CREM: variants seen among roughly 807,000 people sequenced by gnomAD.
CREM encodes cAMP-responsive element modulator.
Under a neutral mutation model 37.3 loss-of-function variants are expected in CREM, and 13 were observed. The observed-to-expected ratio is 0.35, with a 90% CI of 0.23 to 0.55. The LOEUF is 0.55. Among genes scored for constraint, CREM ranks in the 20% least tolerant of loss-of-function variants. The pLI is 0.88. For missense variants in CREM, 296 were observed against 362.3 expected, an observed-to-expected ratio of 0.82 and a Z score of 1.49; for synonymous variants, 124 against 120.2, an observed-to-expected ratio of 1.03 and a Z score of -0.21.
chr10:35,128,404 A>C (rs555309224), intron 1 of CREM, among the ~76,000 whole-genome samples: 139 of 152,252 alleles, frequency 9.1e-4, no homozygotes, highest in African/African-American at 3.0e-3. Context: ...TGAAACAAAG[A>C]TCTAGATTGA....
chr10:35,159,509 G>A (rs1337092152), intron 3 of CREM, among the ~76,000 whole-genome samples: 1 of 152,084 alleles, frequency 6.6e-6, no homozygotes, highest in Non-Finnish European at 1.5e-5. Flanking sequence ...ATGATGTTGG[G>A]AAAACTAGAT....
intron 6 of CREM, among the ~76,000 whole-genome samples, chr10:35,190,631 A>G (rs1431900822): frequency 6.6e-6 from 1 of 151,884 alleles, no homozygotes; most frequent in Non-Finnish European, 1.5e-5. Context: ...AGTAGTAGTA[A>G]TAATAATAAT....
intron 3 of CREM, chr10:35,154,175 A>G (rs2092758848): frequency 2.5e-6 from 1 of 398,226 alleles, no homozygotes; most frequent in East Asian, 3.6e-5. Flanking sequence ...GCGAGTTGTA[A>G]ATTTTCTTTT....
At chr10:35,176,596 A>G (rs982567743) in intron 3 of CREM, among the ~76,000 whole-genome samples, 1 of 151,516 alleles carries the variant, frequency 6.6e-6, no homozygotes, top group African/African-American at 2.4e-5. Context: ...TTTTTAGTAG[A>G]GATGGGGTTT....
At chr10:35,206,572 T>G (rs2095529590) in intron 6 of CREM, among the ~76,000 whole-genome samples, 1 of 152,228 alleles carries the variant, frequency 6.6e-6, no homozygotes, top group African/African-American at 2.4e-5. Flanking sequence ...TCCTGAGGAC[T>G]GTTTCTTAAA....
chr10:35,169,927 A>G (rs1160357325), intron 3 of CREM, among the ~76,000 whole-genome samples: 4 of 149,940 alleles, frequency 2.7e-5, no homozygotes, highest in East Asian at 3.9e-4. Flanking sequence ...CCAGCCTTGC[A>G]TCCCAGGAAT....
Position 35,185,292 on chromosome 10 carries a change from C to T in CREM, c.410-2908C>T, listed in dbSNP as rs189108802. Among the ~76,000 whole-genome samples, 329 of 151,994 alleles carry T rather than the reference C, an allele frequency of 2.2e-3. 6 individuals carry two copies. The East Asian group carries it at 0.042, about 19-fold the overall frequency. ...TAATTTCTTGTATTTTTAGTAGGGA[C>T]GGGGTTTCTCCTTGTTGGTCAGGCT... On this transcript the variant is annotated intron_variant, in intron 5 of 7. Coordinates refer to ENST00000685392, the MANE Select transcript of CREM (RefSeq NM_183011.2).
At chr10:35,170,391 G>A (rs1193614321) in intron 3 of CREM, among the ~76,000 whole-genome samples, 1 of 152,152 alleles carries the variant, frequency 6.6e-6, no homozygotes, top group African/African-American at 2.4e-5. Context: ...CCAGGCTTTG[G>A]TATCAGGATG....
intron 3 of CREM, among the ~76,000 whole-genome samples, chr10:35,149,150 A>G (rs2092389677): frequency 6.6e-6 from 1 of 152,208 alleles, no homozygotes; most frequent in South Asian, 2.1e-4. Flanking sequence ...GCTGTAAGAT[A>G]CTATGTAGAA....
At chr10:35,188,785 G>A (rs1368195291) in intron 6 of CREM, among the ~76,000 whole-genome samples, 1 of 151,942 alleles carries the variant, frequency 6.6e-6, no homozygotes, top group African/African-American at 2.4e-5. Flanking sequence ...AGCTTCCCGG[G>A]GAGCTGGGAT....
rs1468752620 is a variant in CREM at position 35,137,831 on chromosome 10, TAAC to T, written c.-2_1del. ...AGGAAAGCATTGATTACAAATATCT[TAAC>T]AATGAGCAAATGTGCAAGGAAAAAA... On this transcript the variant is annotated 5_prime_UTR_variant, in exon 2 of 8. Transcript: ENST00000685392. 1.6e-5 allele frequency: 25 copies of T among 1,571,924 alleles called. No individual in the cohort carries two copies. Among genetic ancestry groups the T allele is most frequent in the Non-Finnish European group, 2.1e-5 (24 of 1,154,332 alleles).
At chr10:35,184,926 A>G (rs561227660) in intron 5 of CREM, among the ~76,000 whole-genome samples, 1 of 152,268 alleles carries the variant, frequency 6.6e-6, no homozygotes, top group Admixed American at 6.5e-5. Flanking sequence ...TGGTGTTGAA[A>G]AACTAGGTTC....
At chr10:35,174,506 T>G (rs1171492167) in intron 3 of CREM, among the ~76,000 whole-genome samples, 1 of 152,230 alleles carries the variant, frequency 6.6e-6, no homozygotes, top group Non-Finnish European at 1.5e-5. Flanking sequence ...TTATTTGTTA[T>G]AAACCCAGTT....
At chr10:35,179,836 C>A (rs932014397) in intron 5 of CREM, 1 of 152,376 alleles carries the variant, frequency 6.6e-6, no homozygotes, top group African/African-American at 2.4e-5. Flanking sequence ...TAAACAGATA[C>A]ATTCACATTC....
chr10:35,141,292 A>G (rs992503519), intron 2 of CREM, among the ~76,000 whole-genome samples: 2 of 152,224 alleles, frequency 1.3e-5, no homozygotes, highest in African/African-American at 2.4e-5. Context: ...CCTGTAGTCA[A>G]TAGGAAGCTA....
chr10:35,141,643 T>C (rs1387658496), intron 2 of CREM, among the ~76,000 whole-genome samples: 1 of 152,138 alleles, frequency 6.6e-6, no homozygotes, highest in Non-Finnish European at 1.5e-5. Context: ...TGTTTGGAGA[T>C]GTTAAACAGG....
intron 2 of CREM, among the ~76,000 whole-genome samples, chr10:35,145,518 G>A (rs916844942): frequency 6.6e-6 from 1 of 152,050 alleles, no homozygotes; most frequent in African/African-American, 2.4e-5. Context: ...AATGGCTCAC[G>A]CCTAGTAATC....
chr10:35,153,181 C>G (rs1193762834), intron 3 of CREM, among the ~76,000 whole-genome samples: 2 of 152,120 alleles, frequency 1.3e-5, no homozygotes, highest in Non-Finnish European at 2.9e-5. Flanking sequence ...GAGCTCAAGG[C>G]TGTAGTGCAC....
In CREM at chr10:35,188,363, C is replaced by T. The variant is rs143022245; in HGVS notation, c.573C>T (p.Val191=). ...QSADGTQQFF[V]PGSQVVVQAA... Reference sequence around the variant, plus strand: ...CTGATGGCACACAGCAGTTCTTTGTCCCAGGCAGCCAGGTTGTTGTTCAAG... The same window carrying T: ...CTGATGGCACACAGCAGTTCTTTGTTCCAGGCAGCCAGGTTGTTGTTCAAG... The change falls in exon 6 of 8, where the codon GTC becomes GTT. Residue 191 remains valine (V), a synonymous_variant. Transcript: ENST00000685392. 2 of 1,611,910 alleles carry T rather than the reference C, an allele frequency of 1.2e-6. No homozygotes were observed. Among genetic ancestry groups the T allele is most frequent in the South Asian group, 1.1e-5 (1 of 90,454 alleles).
Sources: gnomAD v4.1 joint callset for allele counts (sites outside exome capture counted in the v4.1 genomes callset) on GRCh38, gnomAD v4.1.1 for gene constraint, MANE v1.5 for transcripts, NCBI Gene and HGNC (gene_info 2026-07-23, HGNC 2026-07-21) for gene names.